The following PPP6R3 variants were observed in gnomAD, a reference collection of about 807,000 sequenced individuals.
PPP6R3 encodes protein phosphatase 6 regulatory subunit 3.
A neutral mutation model predicts 110.7 loss-of-function variants in PPP6R3; 38 were observed. The observed-to-expected ratio is 0.34, with a 90% CI of 0.26 to 0.45. The LOEUF is 0.45. Ranked by LOEUF, PPP6R3 falls within the 20% of genes least tolerant of loss-of-function variation. PPP6R3 has a pLI of 1.00. For synonymous variants in PPP6R3, 369 were observed against 373.5 expected (o/e 0.99, Z 0.14); for missense variants, 870 against 1,062.4 (o/e 0.82, Z 2.52).
chr11:68,580,803 G>A (rs1019590526), intron 14 of PPP6R3, among the ~76,000 whole-genome samples: 17 of 112,194 alleles, frequency 1.5e-4, no homozygotes, highest in Non-Finnish European at 2.9e-4. Context: ...ACAGAGTCTT[G>A]CTCTGTCACC....
intron 1 of PPP6R3, among the ~76,000 whole-genome samples, chr11:68,480,876 A>G (rs2098904145): frequency 6.6e-6 from 1 of 152,192 alleles, no homozygotes; most frequent in Non-Finnish European, 1.5e-5. Context: ...AATTTCTTAG[A>G]GATTTTCAAC....
intron 15 of PPP6R3, among the ~76,000 whole-genome samples, chr11:68,585,589 C>A (rs1432018515): frequency 6.6e-6 from 1 of 152,180 alleles, no homozygotes; most frequent in Non-Finnish European, 1.5e-5. Flanking sequence ...AAATAGGATA[C>A]AATAACAGTC....
chr11:68,589,126 T>G (rs1484486113), intron 16 of PPP6R3, among the ~76,000 whole-genome samples: 1 of 151,994 alleles, frequency 6.6e-6, no homozygotes, highest in Non-Finnish European at 1.5e-5. Flanking sequence ...GGAGAATCAC[T>G]TGAACTTGGG....
chr11:68,557,057 G>A (rs2099402349), intron 7 of PPP6R3, among the ~76,000 whole-genome samples: 2 of 152,228 alleles, frequency 1.3e-5, no homozygotes, highest in Admixed American at 1.3e-4. Flanking sequence ...AAGAGAGTGT[G>A]GACCTCCACA....
intron 4 of PPP6R3, 69 bp from the exon 5 acceptor site, chr11:68,547,998 G>A (rs1246426971): frequency 1.4e-6 from 2 of 1,478,270 alleles, no homozygotes; most frequent in African/African-American, 2.8e-5. Flanking sequence ...GTCGGGGTTG[G>A]GACTTAAAAG....
chr11:68,512,148 A>C (rs1452219489), intron 1 of PPP6R3, among the ~76,000 whole-genome samples: 1 of 152,202 alleles, frequency 6.6e-6, no homozygotes, highest in Non-Finnish European at 1.5e-5. Context: ...GATTGGAAAT[A>C]GTTTTCCTTC....
intron 1 of PPP6R3, among the ~76,000 whole-genome samples, chr11:68,487,359 AGTG>A (rs2098954357): frequency 0.013 from 2 of 152 alleles, no homozygotes; most frequent in Non-Finnish European, 0.028. Flanking sequence ...ATGAGGTTGC[AGTG>A]AGCTATGATC....
intron 1 of PPP6R3, among the ~76,000 whole-genome samples, chr11:68,489,546 G>C (rs949780787): frequency 2.8e-5 from 4 of 143,272 alleles, no homozygotes; most frequent in East Asian, 2.0e-4. Context: ...TGCAGATACT[G>C]TGTGTTTGTG....
At chr11:68,497,140 G>A (rs1189020591) in intron 1 of PPP6R3, among the ~76,000 whole-genome samples, 10 of 149,978 alleles carry the variant, frequency 6.7e-5, no homozygotes, top group African/African-American at 2.2e-4. Context: ...TCCGCCTCCC[G>A]GGTTCACGCC....
At chr11:68,506,172 A>AT (rs1238012341) in intron 1 of PPP6R3, among the ~76,000 whole-genome samples, 1 of 149,852 alleles carries the variant, frequency 6.7e-6, no homozygotes, top group African/African-American at 2.4e-5. Flanking sequence ...CCTAATAAAA[A>AT]TCCCACCCTT....
At chr11:68,484,370 T>G (rs1017453914) in intron 1 of PPP6R3, among the ~76,000 whole-genome samples, 1 of 152,114 alleles carries the variant, frequency 6.6e-6, no homozygotes, top group Non-Finnish European at 1.5e-5. Context: ...TTGACAGTGT[T>G]TGGTGATGTG....
intron 2 of PPP6R3, among the ~76,000 whole-genome samples, chr11:68,531,307 T>TTTTATTTATTTATTTATTTATTTA (rs67798708): frequency 2.2e-5 from 3 of 137,012 alleles, no homozygotes; most frequent in East Asian, 2.2e-4. Flanking sequence ...TGAGACTGTG[T>TTTTATTTATTTATTTATTTATTTA]TTTATTTATT....
intron 6 of PPP6R3, among the ~76,000 whole-genome samples, chr11:68,551,734 G>A (rs1254885359): frequency 6.6e-6 from 1 of 152,128 alleles, no homozygotes; most frequent in Admixed American, 6.5e-5. Context: ...TGATCCACCA[G>A]CCTCGGCCTC....
chr11:68,468,927 T>C (rs1172548088), intron 1 of PPP6R3, among the ~76,000 whole-genome samples: 1 of 152,214 alleles, frequency 6.6e-6, no homozygotes, highest in Non-Finnish European at 1.5e-5. Flanking sequence ...ACATTTTATA[T>C]AGAATCATTT....
intron 2 of PPP6R3, among the ~76,000 whole-genome samples, chr11:68,520,017 T>C (rs1013100037): frequency 1.3e-5 from 2 of 152,230 alleles, no homozygotes; most frequent in African/African-American, 4.8e-5. Context: ...GTTTTTGTTT[T>C]ATACCAGCGA....
chr11:68,579,741 T>C (rs1021933557), intron 14 of PPP6R3, among the ~76,000 whole-genome samples: 2 of 152,228 alleles, frequency 1.3e-5, no homozygotes, highest in Non-Finnish European at 2.9e-5. Flanking sequence ...CCCATAAGAT[T>C]AGAATACTCG....
At chr11:68,523,092 C>G (rs1162836452) in intron 2 of PPP6R3, among the ~76,000 whole-genome samples, 9 of 152,284 alleles carry the variant, frequency 5.9e-5, no homozygotes. Flanking sequence ...TGGATAGCTC[C>G]TTCCCTCCTT....
rs1465665862 is a variant in PPP6R3, at chr11:68,614,243, G to A, written c.*1126G>A. The A allele has an allele frequency of 2.0e-6, 2 of 1,002,272 alleles. No individual in the cohort carries two copies. Among genetic ancestry groups the A allele is most frequent in the African/African-American group, 1.7e-5 (1 of 57,224 alleles). The allele number at this position is 1,002,272 out of a possible 1,614,324, so 62.1% of individuals were successfully genotyped here. A position where few individuals can be genotyped will look rare whatever the true frequency, so the allele number is the denominator to read the frequency against. Reference sequence around the variant, plus strand: ...GTGTATTTTTTTAGAACTGGTTTGTGTATATATATAGTGATTATGGATACT... The same window carrying A: ...GTGTATTTTTTTAGAACTGGTTTGTATATATATATAGTGATTATGGATACT... On this transcript the variant is annotated 3_prime_UTR_variant, in exon 24 of 24. Coordinates refer to ENST00000393800, the MANE Select transcript of PPP6R3 (RefSeq NM_001164161.2).
chr11:68,597,571 T>G (rs2099617757), intron 19 of PPP6R3, among the ~76,000 whole-genome samples: 1 of 152,116 alleles, frequency 6.6e-6, no homozygotes, highest in Non-Finnish European at 1.5e-5. Flanking sequence ...TAATGAGAAC[T>G]GCAAGATGGG....
Sources: allele counts gnomAD v4.1 joint callset (sites outside exome capture counted in the v4.1 genomes callset), GRCh38; gene constraint gnomAD v4.1.1; transcripts MANE v1.5; gene names NCBI Gene and HGNC (gene_info 2026-07-23, HGNC 2026-07-21).